Variants in HELLS observed in about 807,000 individuals in gnomAD.
The protein encoded by HELLS is lymphoid-specific helicase.
Under a neutral mutation model 120.0 loss-of-function variants are expected in HELLS, and 32 were observed. That is an observed-to-expected ratio of 0.27 (90% confidence interval 0.20 to 0.36). The LOEUF is 0.36. Ranked by LOEUF, HELLS falls within the 10% of genes least tolerant of loss-of-function variation. HELLS has a pLI of 1.00. For synonymous variants in HELLS, 341 were observed against 323.4 expected (o/e 1.05, Z -0.58); for missense variants, 650 against 993.4 (o/e 0.65, Z 4.65).
rs1236168081 is a variant in HELLS, at chr10:94,575,089, C to A, written c.888+353C>A. On this transcript the variant is annotated intron_variant, in intron 9 of 21. Coordinates refer to ENST00000348459, the MANE Select transcript of HELLS (RefSeq NM_018063.5). ...TTTTCTGTTTTTTCTGTACTTGTTA[C>A]CTTCTGCAATTTTTTTTTTTTTTTT... Among the ~76,000 whole-genome samples the A allele has an allele frequency of 2.7e-5, 4 of 149,544 alleles. No homozygotes were observed. In the East Asian group the frequency reaches 7.7e-4, roughly 29 times the overall value.
At chr10:94,580,890 C>T (rs892462288) in intron 10 of HELLS, among the ~76,000 whole-genome samples, 4 of 152,110 alleles carry the variant, frequency 2.6e-5, no homozygotes, top group African/African-American at 9.7e-5. Context: ...GGGTGACTTT[C>T]TGTGAAAATA....
chr10:94,575,655 T>TCA (rs1368645237), intron 9 of HELLS, among the ~76,000 whole-genome samples: 2 of 151,944 alleles, frequency 1.3e-5, no homozygotes, highest in African/African-American at 4.8e-5. Flanking sequence ...TCTCCTGACC[T>TCA]TGTGATCCGC....
chr10:94,594,373 A>C (rs977942333), intron 18 of HELLS, among the ~76,000 whole-genome samples: 1 of 152,046 alleles, frequency 6.6e-6, no homozygotes, highest in Non-Finnish European at 1.5e-5. Flanking sequence ...AATTAGTGAG[A>C]CCACGTCTCA....
chr10:94,597,346 G>C lies in HELLS; in HGVS notation c.2422+235G>C, dbSNP rs1027198129. 3.1e-4 allele frequency among the ~76,000 whole-genome samples: 47 copies of C among 151,970 alleles called. 1 individual carries two copies. Among genetic ancestry groups the C allele is most frequent in the African/African-American group, 1.0e-3 (43 of 41,376 alleles). ...TTCTGTAAACTGGTAAATAACACTT[G>C]TAAATGAATATATTCAAGTTCCTGT... On this transcript the variant is annotated intron_variant, in intron 21 of 21. Transcript: ENST00000348459.
At chr10:94,581,605 A>G in intron 11 of HELLS, 83 bp downstream of exon 11, 2 of 965,226 alleles carry the variant, frequency 2.1e-6, no homozygotes, top group South Asian at 3.5e-5. Context: ...TGACTGAATT[A>G]AAATGCCAAA....
chr10:94,568,538 T>C (rs1843956057), intron 6 of HELLS, among the ~76,000 whole-genome samples: 1 of 152,164 alleles, frequency 6.6e-6, no homozygotes, highest in Admixed American at 6.5e-5. Flanking sequence ...GCCCTATTTA[T>C]AGTAGTTTCT....
intron 18 of HELLS, among the ~76,000 whole-genome samples, chr10:94,593,825 G>A (rs1237176348): frequency 6.6e-6 from 1 of 151,922 alleles, no homozygotes; most frequent in East Asian, 1.9e-4. Flanking sequence ...ACAATGCCTG[G>A]CTAATTTTTG....
intron 10 of HELLS, among the ~76,000 whole-genome samples, chr10:94,580,162 T>TATACAC (rs1396139651): frequency 4.2e-5 from 2 of 47,598 alleles, no homozygotes; most frequent in Non-Finnish European, 8.1e-5. Context: ...TATATATATA[T>TATACAC]ACACACACAC....
intron 2 of HELLS, among the ~76,000 whole-genome samples, chr10:94,547,715 C>T (rs1842803647): frequency 6.6e-6 from 1 of 152,102 alleles, no homozygotes; most frequent in African/African-American, 2.4e-5. Context: ...TTTTATTAGT[C>T]ATCTTATTTT....
rs371321781 is a variant in HELLS, at chr10:94,576,820, C to T, written c.1032+15C>T. 8.8e-6 allele frequency: 14 copies of T among 1,581,978 alleles called. No homozygotes were observed. In the Admixed American group the frequency reaches 2.2e-4, roughly 25 times the overall value. On this transcript the variant is annotated intron_variant, in intron 10 of 21. Coordinates refer to ENST00000348459, the MANE Select transcript of HELLS (RefSeq NM_018063.5). Reference sequence around the variant, plus strand: ...ATGCGTTACAGGTACAAATGATCTTCATTGGTTTCTTTGTAATACATAAAA... The same window carrying T: ...ATGCGTTACAGGTACAAATGATCTTTATTGGTTTCTTTGTAATACATAAAA...
intron 3 of HELLS, chr10:94,557,053 C>T: frequency 5.0e-6 from 1 of 201,536 alleles, no homozygotes; most frequent in South Asian, 6.5e-5. Flanking sequence ...CTAGATGAGA[C>T]CTGCCCTCAC....
intron 18 of HELLS, among the ~76,000 whole-genome samples, chr10:94,594,003 T>C (rs1326838): frequency 0.36 from 53,079 of 146,492 alleles, 10,237 homozygotes; most frequent in East Asian, 0.68. Flanking sequence ...GAGAAGGAGT[T>C]TTGCTCTTGT....
chr10:94,574,257 C>A, intron 8 of HELLS, 70 bp downstream of exon 8: 1 of 999,506 alleles, frequency 1.0e-6, no homozygotes, highest in East Asian at 2.4e-5. Context: ...TTTGAGGTAC[C>A]ACAACTTGAG....
At chr10:94,612,320 A>C (rs1196072773) in exon 10 of HELLS, 2 of 152,242 alleles carry the variant, frequency 1.3e-5, no homozygotes, top group East Asian at 3.8e-4. Flanking sequence ...CCTAACCAAG[A>C]GTCACAGACA....
chr10:94,582,263 T>A (rs12218216), intron 11 of HELLS, among the ~76,000 whole-genome samples: 8 of 151,954 alleles, frequency 5.3e-5, no homozygotes, highest in African/African-American at 1.7e-4. Context: ...TTATTGTGAC[T>A]CTGGGCGCTT....
intron 10 of HELLS, 89 bp downstream of exon 10, chr10:94,576,894 T>G: frequency 8.0e-7 from 1 of 1,256,318 alleles, no homozygotes; most frequent in Non-Finnish European, 1.1e-6. Flanking sequence ...GGAGCATTTG[T>G]CTAATTTTTT....
At chr10:94,593,221 C>T (rs1467257158) in intron 17 of HELLS, among the ~76,000 whole-genome samples, 1 of 152,190 alleles carries the variant, frequency 6.6e-6, no homozygotes, top group Admixed American at 6.5e-5. Context: ...GTTTAGACAA[C>T]TACAATTTTT....
chr10:94,579,686 C>T (rs1457874300), intron 10 of HELLS, among the ~76,000 whole-genome samples: 5 of 151,928 alleles, frequency 3.3e-5, no homozygotes, highest in South Asian at 2.1e-4. Flanking sequence ...GGACTACAGG[C>T]GTCCGTCATC....
chr10:94,559,510 A>G (rs1186077066), intron 4 of HELLS, among the ~76,000 whole-genome samples: 4 of 151,720 alleles, frequency 2.6e-5, no homozygotes, highest in Non-Finnish European at 5.9e-5. Flanking sequence ...CAGTGGTGCA[A>G]TCTTAGCTCA....
Sources: allele counts gnomAD v4.1 joint callset (sites outside exome capture counted in the v4.1 genomes callset), GRCh38; gene constraint gnomAD v4.1.1; transcripts MANE v1.5; gene names NCBI Gene and HGNC (gene_info 2026-07-23, HGNC 2026-07-21).